Variants in TFRC observed in about 807,000 individuals in gnomAD.
TFRC encodes the protein transferrin receptor protein 1.
A neutral mutation model predicts 85.8 loss-of-function variants in TFRC; 35 were observed. That is an observed-to-expected ratio of 0.41 (90% confidence interval 0.31 to 0.54). The LOEUF (loss-of-function observed/expected upper bound fraction) is 0.54, where lower values mean the gene tolerates loss of function less well. Ranked by LOEUF, TFRC falls within the 20% of genes least tolerant of loss-of-function variation. TFRC has a pLI of 0.31. For synonymous variants in TFRC, 362 were observed against 328.6 expected, an observed-to-expected ratio of 1.10 and a Z score of -1.10; for missense variants, 828 against 921.5, an observed-to-expected ratio of 0.90 and a Z score of 1.31.
intron 1 of TFRC, 22 bp from the exon 2 acceptor site, chr3:196,077,144 T>A: frequency 1.9e-6 from 3 of 1,579,922 alleles, no homozygotes; most frequent in Non-Finnish European, 2.6e-6. Flanking sequence ...AATAGAGAAT[T>A]ATTGAGAAAG....
chr3:196,072,292 G>C (rs1718279384), intron 4 of TFRC, 140 bp from the exon 5 acceptor site: 2 of 1,168,786 alleles, frequency 1.7e-6, no homozygotes, highest in Admixed American at 2.8e-5. Flanking sequence ...AAAACTTCTA[G>C]ACTGACCAGA....
At chr3:196,071,883 A>C in intron 5 of TFRC, 120 bp downstream of exon 5, 1 of 1,121,366 alleles carries the variant, frequency 8.9e-7, no homozygotes, top group Non-Finnish European at 1.3e-6. Context: ...CAGCCTGGGC[A>C]ACAGAGCGAG....
intron 1 of TFRC, among the ~76,000 whole-genome samples, chr3:196,077,478 G>A (rs373500343): frequency 5.3e-5 from 8 of 151,880 alleles, no homozygotes; most frequent in Non-Finnish European, 7.4e-5. Context: ...ACTGCTGGGC[G>A]GGGTGGCTCA....
chr3:196,076,955 G>T, intron 2 of TFRC, 109 bp downstream of exon 2: 1 of 1,030,526 alleles, frequency 9.7e-7, no homozygotes, highest in Non-Finnish European at 1.5e-6. Flanking sequence ...AAATGTAAAT[G>T]AATACCTGAT....
chr3:196,081,629 G>A (rs1182338857), intron 1 of TFRC, among the ~76,000 whole-genome samples: 1 of 152,222 alleles, frequency 6.6e-6, no homozygotes, highest in Non-Finnish European at 1.5e-5. Context: ...CCCGGAGCCG[G>A]CGCACTAGGG....
chr3:196,069,597 C>T (rs779925066), intron 6 of TFRC, 29 bp from the exon 7 acceptor site: 1 of 1,369,970 alleles, frequency 7.3e-7, no homozygotes, highest in Non-Finnish European at 1.0e-6. Flanking sequence ...ATTTAATGAG[C>T]ATTATGGTAT....
intron 17 of TFRC, 45 bp downstream of exon 17, chr3:196,055,035 C>A (rs764816207): frequency 1.9e-6 from 3 of 1,570,364 alleles, no homozygotes; most frequent in Non-Finnish European, 1.7e-6. Flanking sequence ...TTTCAAAATA[C>A]TTGACATTCA....
chr3:196,057,062 C>G (rs9825826), intron 16 of TFRC, among the ~76,000 whole-genome samples: 3,012 of 152,206 alleles, frequency 0.02, 58 homozygotes, highest in African/African-American at 0.05. Flanking sequence ...CTTCGTAATC[C>G]GCCTTCCTTG....
intron 1 of TFRC, chr3:196,081,755 G>A (rs1422799534): frequency 1.3e-5 from 2 of 152,592 alleles, no homozygotes; most frequent in Non-Finnish European, 2.9e-5. Context: ...AGAAGGCAGA[G>A]AGAAGGGAAG....
rs370832734 is a variant in TFRC at position 196,057,781 on chromosome 3, CAAA to C, written c.1677+500_1677+502del. 1.2e-3 allele frequency among the ~76,000 whole-genome samples: 91 copies of C among 77,576 alleles called. 1 individual carries two copies. The highest frequency in any genetic ancestry group is 2.6e-3 in the African/African-American group (64 of 24,478). 50.9% of individuals were successfully genotyped at this position (77,576 alleles called of 152,430 possible). A position where few individuals can be genotyped will look rare whatever the true frequency, so the allele number is the denominator to read the frequency against. On this transcript the variant is annotated intron_variant, in intron 16 of 18. Transcript: ENST00000360110. Reference sequence around the variant, plus strand: ...GGGTGACAGAGCAAGTCACCATTGTCAAAAAAAAAAAAAAAAACAAAACAAAAA... The same window carrying C: ...GGGTGACAGAGCAAGTCACCATTGTCAAAAAAAAAAAAAACAAAACAAAAA...
chr3:196,060,823 A>T (rs1717217637), intron 13 of TFRC, among the ~76,000 whole-genome samples: 1 of 150,358 alleles, frequency 6.7e-6, no homozygotes, highest in African/African-American at 2.5e-5. Context: ...AAAAAAAAAA[A>T]AAATCAGACC....
chr3:196,053,765 T>C (rs1020285099), intron 17 of TFRC, among the ~76,000 whole-genome samples: 4 of 152,180 alleles, frequency 2.6e-5, no homozygotes, highest in African/African-American at 9.7e-5. Context: ...AAGAAAACCA[T>C]TCTCATTAAG....
At chr3:196,081,408 C>T (rs1392243002) in intron 1 of TFRC, among the ~76,000 whole-genome samples, 2 of 152,248 alleles carry the variant, frequency 1.3e-5, no homozygotes, top group Non-Finnish European at 2.9e-5. Flanking sequence ...GCCTGTAACA[C>T]GCTAGTAACC....
At position 196,051,724 on chromosome 3, in the gene TFRC, A is replaced by G. The variant is rs1716325214; in HGVS notation, c.*218T>C. ...AATTCTAGAGATAGGGGAATATTCC[A>G]TCATGGACATTTTTTAAGTGGTTAT... On this transcript the variant is annotated 3_prime_UTR_variant, in exon 19 of 19. Transcript: ENST00000360110. 2.0e-5 allele frequency: 11 copies of G among 543,684 alleles called. No individual in the cohort carries two copies. The South Asian group carries it at 2.5e-4, about 13-fold the overall frequency. 33.7% of individuals were successfully genotyped at this position (543,684 alleles called of 1,614,324 possible).
At position 196,053,462 on chromosome 3, in the gene TFRC, T is replaced by G; in HGVS notation, c.1996A>C (p.Thr666Pro). 6.2e-7 allele frequency: 1 copy of G among 1,614,218 alleles called. No individual in the cohort carries two copies. Among genetic ancestry groups the G allele is most frequent in the Non-Finnish European group, 8.5e-7 (1 of 1,180,040 alleles). Residue 666 changes from threonine to proline, a missense_variant, in exon 18 of 19, where the codon ACA becomes CCA. Physicochemically the swap from Thr to Pro is conservative, Grantham distance 38 (BLOSUM62 -1). Transcript: ENST00000360110. ...AGTTTCTTCATGACAAATCTGTCTG[T>G]TTTCTCAGCATTCCCGAAATCTGTT... ...LTTDFGNAEK[T>P]DRFVMKKLND...
rs944293215 is a variant in TFRC, at chr3:196,051,912, C to T, written c.*30G>A. On this transcript the variant is annotated 3_prime_UTR_variant, in exon 19 of 19. Transcript: ENST00000360110. ...CAAGTCTAGAAACCAGACTACCCTGCTGTTCTCATGGAAGCTATGGGTATC... is the reference window on the plus strand; with the variant it reads ...CAAGTCTAGAAACCAGACTACCCTGTTGTTCTCATGGAAGCTATGGGTATC... The T allele has an allele frequency of 5.6e-6, 9 of 1,608,388 alleles. No homozygotes were observed. In the Admixed American group the frequency reaches 6.7e-5, roughly 12 times the overall value.
At chr3:196,067,694 C>T (rs1370146846) in intron 8 of TFRC, 37 bp from the exon 9 acceptor site, 1 of 1,603,176 alleles carries the variant, frequency 6.2e-7, no homozygotes, top group African/African-American at 1.3e-5. Context: ...CCATCACATA[C>T]TTCCTCAAAA....
rs146551991 is a variant in TFRC, at chr3:196,054,757, C to T, written c.1899+323G>A. 1.6e-4 allele frequency among the ~76,000 whole-genome samples: 25 copies of T among 152,304 alleles called. No homozygotes were observed. In the East Asian group the frequency reaches 2.1e-3, roughly 13 times the overall value. ...GCTGTCTTTCCATCCGGGTCACGCCCGAGAGGCACACAGCCCAACTCCTTG... is the reference window on the plus strand; with the variant it reads ...GCTGTCTTTCCATCCGGGTCACGCCTGAGAGGCACACAGCCCAACTCCTTG... On this transcript the variant is annotated intron_variant, in intron 17 of 18. Coordinates refer to ENST00000360110, the MANE Select transcript of TFRC (RefSeq NM_001128148.3).
intron 16 of TFRC, 136 bp downstream of exon 16, chr3:196,058,148 T>C (rs1238774418): frequency 3.3e-6 from 2 of 607,800 alleles, no homozygotes; most frequent in East Asian, 2.9e-5. Context: ...TAAAAACTTG[T>C]TTTCCTTTAC....
Sources: allele counts gnomAD v4.1 joint callset (sites outside exome capture counted in the v4.1 genomes callset), GRCh38; gene constraint gnomAD v4.1.1; transcripts MANE v1.5; gene names NCBI Gene and HGNC (gene_info 2026-07-23, HGNC 2026-07-21).